LHX5: variants seen among roughly 807,000 people sequenced by gnomAD.
LHX5 encodes the protein LIM homeobox 5.
In LHX5, 5 loss-of-function variants were observed where a neutral mutation model predicts 30.6. That is an observed-to-expected ratio of 0.16 (90% CI 0.09 to 0.34). LHX5 has a LOEUF of 0.34. Ranked by LOEUF, LHX5 falls within the 10% of genes least tolerant of loss-of-function variation. The probability of loss-of-function intolerance (pLI) is 1.00; values close to 1 mark genes in which losing one functional copy is unlikely to be tolerated. For synonymous variants in LHX5, 266 were observed against 252.6 expected (o/e 1.05, Z -0.50); for missense variants, 458 against 570.6 (o/e 0.80, Z 2.01).
rs1215131445 is a variant in LHX5 at position 113,466,349 on chromosome 12, G to A, written c.841+907C>T. ...CTCAGGGTAAGGAGCTGAAAAAATC[G>A]GATAGGGGGAGTTGGGATGGCTCAC... On this transcript the variant is annotated intron_variant, in intron 4 of 4. Coordinates refer to ENST00000261731, the MANE Select transcript of LHX5 (RefSeq NM_022363.3). This position sits in a 1 kb window ranked among gnomAD's most constrained non-coding sequence, Gnocchi z 6.5. Among the ~76,000 whole-genome samples the A allele has an allele frequency of 1.3e-5, 2 of 152,186 alleles. No homozygotes were observed. The highest frequency in any genetic ancestry group is 2.9e-5 in the Non-Finnish European group (2 of 68,026).
In LHX5 at chr12:113,464,139, G is replaced by A. The variant is rs1262732839; in HGVS notation, c.842-582C>T. Among the ~76,000 whole-genome samples, 1 of 152,226 alleles carries A rather than the reference G, an allele frequency of 6.6e-6. No homozygotes were observed. The highest frequency in any genetic ancestry group is 1.5e-5 in the Non-Finnish European group (1 of 68,038). On this transcript the variant is annotated intron_variant, in intron 4 of 4. Coordinates refer to ENST00000261731, the MANE Select transcript of LHX5 (RefSeq NM_022363.3). The surrounding 1 kb of genome is among the most constrained non-coding windows in gnomAD (Gnocchi z 6.2). The stretch of plus-strand genomic sequence containing the variant: ...ACGCAGAGAGAGGAAAGACGGCCGC[G>A]GTTAGAGACACGCGTGGAAACCCCC...
rs1958232393 is a variant in LHX5 at position 113,469,256 on chromosome 12, T to C, written c.263A>G (p.Asn88Ser). Residue 88 changes from asparagine (N) to serine (S), a missense_variant, in exon 2 of 5, where the codon AAC (asparagine) becomes AGC (serine). Transcript: ENST00000261731. ...GTTACACACCATGCAGGTGAAACAG[T>C]TGAGGTGAAAGACTTTGCTCCGGGC... ...RKARSKVFHL[N>S]CFTCMVCNKQ... is the part of the protein sequence containing the mutation. 3.7e-6 allele frequency: 6 copies of C among 1,614,106 alleles called. No homozygotes were observed. The highest frequency in any genetic ancestry group is 5.1e-6 in the Non-Finnish European group (6 of 1,180,034).
In LHX5 at chr12:113,462,413, C is replaced by G. The variant is rs1958179154; in HGVS notation, c.*777G>C. 6.6e-6 allele frequency: 1 copy of G among 152,206 alleles called. No individual in the cohort carries two copies. Among genetic ancestry groups the G allele is most frequent in the African/African-American group, 2.4e-5 (1 of 41,454 alleles). The allele number at this position is 152,206 out of a possible 1,614,324, so 9.4% of individuals were successfully genotyped here. On this transcript the variant is annotated 3_prime_UTR_variant, in exon 5 of 5. Transcript: ENST00000261731. ...GGGGAGAGCAGGATGTGTGCGTGTT[C>G]GAGTCCGGCCTGCTCCCTCGGGCTC...
intron 1 of LHX5, among the ~76,000 whole-genome samples, chr12:113,469,971 C>T (rs1299263331): frequency 6.6e-6 from 1 of 152,222 alleles, no homozygotes; most frequent in Admixed American, 6.5e-5. Context: ...GACAGCAGGG[C>T]CTCATAGTGA....
In LHX5 at chr12:113,463,022, C is replaced by A; in HGVS notation, c.*168G>T. On this transcript the variant is annotated 3_prime_UTR_variant, in exon 5 of 5. Transcript: ENST00000261731. The surrounding 1 kb of genome is among the most constrained non-coding windows in gnomAD (Gnocchi z 6.7). ...CGGGGTGGAGATGGGGGTCGGCCCC[C>A]CCTCGGCGCCCAGCCGAGGAGCAGC... 1.6e-6 allele frequency: 1 copy of A among 606,692 alleles called. No homozygotes were observed. The highest frequency in any genetic ancestry group is 2.3e-5 in the South Asian group (1 of 44,174). The allele number at this position is 606,692 out of a possible 1,614,324, so 37.6% of individuals were successfully genotyped here.
Position 113,462,697 on chromosome 12 carries a change from A to G in LHX5, c.*493T>C, listed in dbSNP as rs1426909348. 6.8e-6 allele frequency: 1 copy of G among 147,748 alleles called. No homozygotes were observed. The allele number at this position is 147,748 out of a possible 1,614,324, so 9.2% of individuals were successfully genotyped here. On this transcript the variant is annotated 3_prime_UTR_variant, in exon 5 of 5. Coordinates refer to ENST00000261731, the MANE Select transcript of LHX5 (RefSeq NM_022363.3). The stretch of plus-strand genomic sequence containing the variant: ...GCCCCCTTTCCTCTCCCTCTCTTTC[A>G]ATCTCTCTCCTTTTCTTATCATCTT...
In LHX5 at chr12:113,466,354, G is replaced by A. The variant is rs889172276; in HGVS notation, c.841+902C>T. 1.3e-5 allele frequency among the ~76,000 whole-genome samples: 2 copies of A among 152,184 alleles called. No homozygotes were observed. The highest frequency in any genetic ancestry group is 2.9e-5 in the Non-Finnish European group (2 of 68,032). ...GGTAAGGAGCTGAAAAAATCGGATA[G>A]GGGGAGTTGGGATGGCTCACCAATC... On this transcript the variant is annotated intron_variant, in intron 4 of 4. Transcript: ENST00000261731. This position sits in a 1 kb window ranked among gnomAD's most constrained non-coding sequence, Gnocchi z 6.5.
chr12:113,471,533 C>A lies in LHX5; in HGVS notation c.-35G>T. On this transcript the variant is annotated 5_prime_UTR_variant, in exon 1 of 5. In the 5' UTR this introduces an upstream ATG that the reference lacks. Coordinates refer to ENST00000261731, the MANE Select transcript of LHX5 (RefSeq NM_022363.3). ...CCCCGGCGGCTTCGGCCGCCTTGCCCTCCCTTTGGGCCCCTGGCCCTCGGG... is the reference window on the plus strand; with the variant it reads ...CCCCGGCGGCTTCGGCCGCCTTGCCATCCCTTTGGGCCCCTGGCCCTCGGG... 6.4e-7 allele frequency: 1 copy of A among 1,554,630 alleles called. No individual in the cohort carries two copies. The highest frequency in any genetic ancestry group is 8.7e-7 in the Non-Finnish European group (1 of 1,149,382).
At chr12:113,471,215 G>A in intron 1 of LHX5, 111 bp downstream of exon 1, 1 of 1,167,908 alleles carries the variant, frequency 8.6e-7, no homozygotes, top group Non-Finnish European at 1.2e-6. Context: ...CCCCATCTAA[G>A]CTTGTGATCC....
In LHX5 at chr12:113,463,432, G is replaced by C. The variant is rs774159422; in HGVS notation, c.967C>G (p.Leu323Val). 6.4e-7 allele frequency: 1 copy of C among 1,553,500 alleles called. No homozygotes were observed. Among genetic ancestry groups the C allele is most frequent in the South Asian group, 1.2e-5 (1 of 85,162 alleles). ...LAASGPGSTP[L>V]GALEPPLAGP... ...GCGAGCGGCGGTTCCAGCGCTCCCAGCGGCGTCGAGCCGGGGCCAGAGGCC... is the reference window on the plus strand; with the variant it reads ...GCGAGCGGCGGTTCCAGCGCTCCCACCGGCGTCGAGCCGGGGCCAGAGGCC... Residue 323 changes from leucine to valine, a missense_variant, in exon 5 of 5, where the codon CTG (leucine) becomes GTG (valine). By Grantham distance (32) the Leu-to-Val change is conservative (BLOSUM62 1). This residue lies in a region of LHX5 where 255 missense variants were observed against 246.8 expected (regional missense o/e 1.03). Transcript: ENST00000261731. This position sits in a 1 kb window ranked among gnomAD's most constrained non-coding sequence, Gnocchi z 6.7.
rs1324805493 is a variant in LHX5 at position 113,467,778 on chromosome 12, G to A, written c.675+349C>T. Among the ~76,000 whole-genome samples the A allele has an allele frequency of 6.6e-6, 1 of 152,238 alleles. No homozygotes were observed. Among genetic ancestry groups the A allele is most frequent in the Non-Finnish European group, 1.5e-5 (1 of 68,042 alleles). On this transcript the variant is annotated intron_variant, in intron 3 of 4. Coordinates refer to ENST00000261731, the MANE Select transcript of LHX5 (RefSeq NM_022363.3). This position sits in a 1 kb window ranked among gnomAD's most constrained non-coding sequence, Gnocchi z 6.3. Reference sequence around the variant, plus strand: ...GCCGTTTGTCTGCCCGCGCTTCGGCGCAGGGAGGGAGGGGGCATCGCCTGT... The same window carrying A: ...GCCGTTTGTCTGCCCGCGCTTCGGCACAGGGAGGGAGGGGGCATCGCCTGT...
In LHX5 at chr12:113,471,471, G is replaced by A; in HGVS notation, c.28C>T (p.Arg10Trp). Residue 10 changes from arginine to tryptophan, a missense_variant, in exon 1 of 5, where the codon CGG becomes TGG. Coordinates refer to ENST00000261731, the MANE Select transcript of LHX5 (RefSeq NM_022363.3). ...AGCAGAAAGCGGTCGAGGATGGGCC[G>A]CTCGCAACCGGCGCAGTGCACCATC... The part of the protein sequence containing the change: MMVHCAGCE[R>W]PILDRFLLNV... The A allele has an allele frequency of 6.2e-7, 1 of 1,607,206 alleles. No individual in the cohort carries two copies.
Position 113,468,313 on chromosome 12 carries a change from G to A in LHX5, c.489C>T (p.Asp163=), listed in dbSNP as rs1958227055. 1 of 1,614,172 alleles carries A rather than the reference G, an allele frequency of 6.2e-7. No individual in the cohort carries two copies. The highest frequency in any genetic ancestry group is 8.5e-7 in the Non-Finnish European group (1 of 1,179,984). The change falls in exon 3 of 5, where the codon GAC becomes GAT. Residue 163 remains aspartate, a synonymous_variant. Transcript: ENST00000261731. ...PKETDNSTSS[D]KETANNENEE... Reference sequence around the variant, plus strand: ...CGTTCTCGTTGTTGGCCGTCTCCTTGTCCGACGAGGTCGAGTTGTCCGTCT... The same window carrying A: ...CGTTCTCGTTGTTGGCCGTCTCCTTATCCGACGAGGTCGAGTTGTCCGTCT...
chr12:113,463,364 G>C lies in LHX5; in HGVS notation c.1035C>G (p.Ile345Met). The change falls in exon 5 of 5, where the codon ATC (isoleucine) becomes ATG (methionine). Residue 345 changes from isoleucine to methionine, a missense_variant. This residue lies in a region of LHX5 where 255 missense variants were observed against 246.8 expected (regional missense o/e 1.03). Coordinates refer to ENST00000261731, the MANE Select transcript of LHX5 (RefSeq NM_022363.3). This position sits in a 1 kb window ranked among gnomAD's most constrained non-coding sequence, Gnocchi z 6.7. ...CGGGGCTCGGTGTGTCCGGGTGCGAGATCATGTCGGTGAACCTGGGGTTGT... is the reference window on the plus strand; with the variant it reads ...CGGGGCTCGGTGTGTCCGGGTGCGACATCATGTCGGTGAACCTGGGGTTGT... Reference protein sequence around the residue: ...AADNPRFTDMISHPDTPSPEP... With the variant: ...AADNPRFTDMMSHPDTPSPEP... The C allele has an allele frequency of 6.4e-7, 1 of 1,551,716 alleles. No individual in the cohort carries two copies. The highest frequency in any genetic ancestry group is 1.2e-5 in the South Asian group (1 of 84,284).
At position 113,467,198 on chromosome 12, in the gene LHX5, G is replaced by C. The variant is rs968434687; in HGVS notation, c.841+58C>G. The C allele has an allele frequency of 3.6e-5, 50 of 1,377,998 alleles. No homozygotes were observed. The highest frequency in any genetic ancestry group is 4.5e-5 in the Non-Finnish European group (48 of 1,057,808). 85.4% of individuals were successfully genotyped at this position (1,377,998 alleles called of 1,614,324 possible). ...GAAAGCGTGCTGGCCGGGACCCTTC[G>C]CCCTCAGCTCCCGGAATAGGACAGG... On this transcript the variant is annotated intron_variant, in intron 4 of 4. Transcript: ENST00000261731. This position sits in a 1 kb window ranked among gnomAD's most constrained non-coding sequence, Gnocchi z 6.3.
At position 113,463,170 on chromosome 12, in the gene LHX5, C is replaced by CG. The variant is rs1555212147; in HGVS notation, c.*19dup. 3 of 1,481,876 alleles carry CG rather than the reference C, an allele frequency of 2.0e-6. No homozygotes were observed. The allele number at this position is 1,481,876 out of a possible 1,614,324, so 91.8% of individuals were successfully genotyped here. A position where few individuals can be genotyped will look rare whatever the true frequency, so the allele number is the denominator to read the frequency against. On this transcript the variant is annotated 3_prime_UTR_variant, in exon 5 of 5. Coordinates refer to ENST00000261731, the MANE Select transcript of LHX5 (RefSeq NM_022363.3). This position sits in a 1 kb window ranked among gnomAD's most constrained non-coding sequence, Gnocchi z 6.7. Reference sequence around the variant, plus strand: ...GGGCGGGGCCCCCGGGGGCCGAGCGCGGGGGGCGGCCCGGCGGCCTTACCA... The same window carrying CG: ...GGGCGGGGCCCCCGGGGGCCGAGCGCGGGGGGGCGGCCCGGCGGCCTTACCA...
At chr12:113,471,251 T>C in intron 1 of LHX5, 75 bp downstream of exon 1, 6 of 1,474,406 alleles carry the variant, frequency 4.1e-6, no homozygotes, top group Non-Finnish European at 5.6e-6. Flanking sequence ...GGGATGGGGG[T>C]ATCCCCTTCC....
At chr12:113,470,604 T>A (rs4767076) in intron 1 of LHX5, among the ~76,000 whole-genome samples, 1 of 152,062 alleles carries the variant, frequency 6.6e-6, no homozygotes, top group Non-Finnish European at 1.5e-5. Flanking sequence ...AGGAAACAGG[T>A]AGGGCTCAGC....
At chr12:113,468,669 A>G (rs1457821709) in intron 2 of LHX5, among the ~76,000 whole-genome samples, 1 of 152,070 alleles carries the variant, frequency 6.6e-6, no homozygotes, top group African/African-American at 2.4e-5. Context: ...GGGTAGGGGG[A>G]CGCGTACCCT....
Sources: allele counts gnomAD v4.1 joint callset (sites outside exome capture counted in the v4.1 genomes callset), GRCh38; gene constraint gnomAD v4.1.1; regional missense constraint gnomAD v4.1.1; non-coding constraint Gnocchi (gnomAD v3.1); transcripts MANE v1.5; gene names NCBI Gene and HGNC (gene_info 2026-07-23, HGNC 2026-07-21).